Variants in PGCKA1 observed in about 807,000 individuals in gnomAD.
The protein encoded by PGCKA1 is PDCD10 and GCKIII kinases associated 1, also known as PDCD10 and GCKIII kinases-associated protein 1.
At chr4:37,487,484 C>T in the PGCKA1 span, among the ~76,000 whole-genome samples, 1 of 152,150 alleles carries the variant, frequency 6.6e-6, no homozygotes, top group African/African-American at 2.4e-5. Flanking sequence ...TGGTTATCTT[C>T]TTTCCCTTCT....
At chr4:37,584,153 A>G in the PGCKA1 span, 4 of 152,266 alleles carry the variant, frequency 2.6e-5, no homozygotes, top group African/African-American at 4.8e-5. Context: ...GACACATCAT[A>G]TAAGGAAGAA....
chr4:37,516,665 G>C, the PGCKA1 span, among the ~76,000 whole-genome samples: 3 of 152,238 alleles, frequency 2.0e-5, no homozygotes, highest in East Asian at 5.8e-4. Context: ...ACATTGCCCA[G>C]AAACACATGA....
chr4:37,471,710 A>T, the PGCKA1 span, among the ~76,000 whole-genome samples: 1 of 152,152 alleles, frequency 6.6e-6, no homozygotes, highest in Non-Finnish European at 1.5e-5. Flanking sequence ...TAAATGGGAG[A>T]GGGGAGGGAA....
the PGCKA1 span, chr4:37,590,859 C>T: frequency 6.2e-7 from 1 of 1,614,184 alleles, no homozygotes; most frequent in Non-Finnish European, 8.5e-7. Flanking sequence ...CTGTGGTTGA[C>T]TCAGGAAACA....
chr4:37,518,852 T>C, the PGCKA1 span, among the ~76,000 whole-genome samples: 3 of 152,206 alleles, frequency 2.0e-5, no homozygotes, highest in African/African-American at 7.2e-5. Context: ...TCCAGACCAA[T>C]GTGCTGAAAA....
At chr4:37,569,911 C>T in the PGCKA1 span, among the ~76,000 whole-genome samples, 2 of 151,864 alleles carry the variant, frequency 1.3e-5, no homozygotes, top group Admixed American at 1.3e-4. Flanking sequence ...TATCCCAGCA[C>T]ACTGGCTATT....
chr4:37,589,993 T>A, the PGCKA1 span: 1 of 885,928 alleles, frequency 1.1e-6, no homozygotes. Flanking sequence ...ATCACAGAAA[T>A]TAAATTAGCA....
At chr4:37,501,840 A>C in the PGCKA1 span, among the ~76,000 whole-genome samples, 1 of 152,110 alleles carries the variant, frequency 6.6e-6, no homozygotes, top group East Asian at 1.9e-4. Flanking sequence ...TGGTTTTTTG[A>C]GTTGTCAGAG....
chr4:37,574,984 T>A, the PGCKA1 span, among the ~76,000 whole-genome samples: 1 of 152,214 alleles, frequency 6.6e-6, no homozygotes, highest in Non-Finnish European at 1.5e-5. Context: ...TTGTGAGAAC[T>A]CTATACCACA....
At chr4:37,530,648 T>G in the PGCKA1 span, among the ~76,000 whole-genome samples, 1 of 151,844 alleles carries the variant, frequency 6.6e-6, no homozygotes, top group Non-Finnish European at 1.5e-5. Context: ...CACTGGGCTT[T>G]TCTCAAACCC....
At chr4:37,457,435 C>T in the PGCKA1 span, among the ~76,000 whole-genome samples, 1 of 152,254 alleles carries the variant, frequency 6.6e-6, no homozygotes, top group African/African-American at 2.4e-5. Flanking sequence ...CAAAAGTCAC[C>T]TTGGTTATTG....
chr4:37,585,839 G>A, the PGCKA1 span, among the ~76,000 whole-genome samples: 1 of 151,948 alleles, frequency 6.6e-6, no homozygotes, highest in Admixed American at 6.6e-5. Context: ...TAGCAAAAGC[G>A]ATTTTTCTGT....
the PGCKA1 span, among the ~76,000 whole-genome samples, chr4:37,477,310 G>A: frequency 5.3e-5 from 8 of 152,284 alleles, no homozygotes; most frequent in East Asian, 5.8e-4. Context: ...GCTGCATATT[G>A]TATGATTCCA....
At chr4:37,591,250 C>T in the PGCKA1 span, 9 of 384,850 alleles carry the variant, frequency 2.3e-5, no homozygotes, top group Non-Finnish European at 4.2e-5. Context: ...TCATTGTGCC[C>T]ATATCCACAG....
At chr4:37,460,102 C>T in the PGCKA1 span, among the ~76,000 whole-genome samples, 1 of 151,982 alleles carries the variant, frequency 6.6e-6, no homozygotes, top group Non-Finnish European at 1.5e-5. Flanking sequence ...TTTTCTGCTC[C>T]TGTGTTAGTT....
At chr4:37,524,065 A>T in the PGCKA1 span, among the ~76,000 whole-genome samples, 1 of 152,216 alleles carries the variant, frequency 6.6e-6, no homozygotes, top group Non-Finnish European at 1.5e-5. Flanking sequence ...ACATTTCAAG[A>T]AGAGAAAGTG....
the PGCKA1 span, among the ~76,000 whole-genome samples, chr4:37,510,495 A>G: frequency 6.6e-6 from 1 of 152,134 alleles, no homozygotes; most frequent in African/African-American, 2.4e-5. Flanking sequence ...AATAAGATCC[A>G]GAAGAATTCT....
the PGCKA1 span, among the ~76,000 whole-genome samples, chr4:37,518,761 G>A: frequency 6.6e-6 from 1 of 152,116 alleles, no homozygotes; most frequent in East Asian, 1.9e-4. Context: ...GCTGTGCAGA[G>A]CATTTTAACT....
the PGCKA1 span, among the ~76,000 whole-genome samples, chr4:37,520,727 C>T: frequency 1.3e-5 from 2 of 152,168 alleles, no homozygotes; most frequent in African/African-American, 4.8e-5. Flanking sequence ...CCGCCATTCT[C>T]CTGCTTCAGC....
Sources: allele counts gnomAD v4.1 joint callset (sites outside exome capture counted in the v4.1 genomes callset), GRCh38; gene constraint gnomAD v4.1.1; transcripts MANE v1.5; gene names NCBI Gene and HGNC (gene_info 2026-07-23, HGNC 2026-07-21).